Variants in KAZN observed in about 807,000 individuals in gnomAD.
The protein encoded by KAZN is kazrin.
Under a neutral mutation model 87.4 loss-of-function variants are expected in KAZN, and 40 were observed. That is an observed-to-expected ratio of 0.46 (90% CI 0.36 to 0.60). The LOEUF (loss-of-function observed/expected upper bound fraction) is 0.60. KAZN is among the 20% of genes least tolerant of loss of function. The pLI is 0.00. For synonymous variants in KAZN, 466 were observed against 458.3 expected (o/e 1.02, Z -0.22); for missense variants, 898 against 1,073.9 (o/e 0.84, Z 2.29).
intron 2 of KAZN, among the ~76,000 whole-genome samples, chr1:14,347,131 C>G (rs1658162549): frequency 6.6e-6 from 1 of 152,194 alleles, no homozygotes; most frequent in African/African-American, 2.4e-5. Flanking sequence ...GACACCTTTG[C>G]TTTGGGGAAT....
chr1:14,029,657 T>G (rs1331811443), intron 1 of KAZN, among the ~76,000 whole-genome samples: 1 of 151,742 alleles, frequency 6.6e-6, no homozygotes. Flanking sequence ...TTGTATAAGG[T>G]GTAAGGAAGG....
intron 2 of KAZN, among the ~76,000 whole-genome samples, chr1:14,355,654 C>T (rs147652664): frequency 7.2e-5 from 11 of 152,200 alleles, no homozygotes; most frequent in African/African-American, 2.2e-4. Flanking sequence ...TTGTTCAACT[C>T]GCACTTATGA....
intron 1 of KAZN, among the ~76,000 whole-genome samples, chr1:14,887,287 A>G (rs1310982399): frequency 6.6e-6 from 1 of 152,188 alleles, no homozygotes; most frequent in African/African-American, 2.4e-5. Flanking sequence ...CTGTGCAATG[A>G]AGCAAAGACA....
intron 2 of KAZN, among the ~76,000 whole-genome samples, chr1:14,436,359 G>T (rs1472459687): frequency 8.0e-6 from 1 of 124,328 alleles, no homozygotes; most frequent in African/African-American, 3.7e-5. Context: ...TGGCAGTGCT[G>T]GTGGTGGTGG....
intron 1 of KAZN, among the ~76,000 whole-genome samples, chr1:14,896,212 GC>G (rs975036007): frequency 2.6e-5 from 4 of 151,846 alleles, no homozygotes; most frequent in African/African-American, 9.7e-5. Flanking sequence ...ACACCACCAC[GC>G]CCAACTAATT....
intron 2 of KAZN, among the ~76,000 whole-genome samples, chr1:14,466,385 A>G (rs1490686605): frequency 2.6e-5 from 4 of 152,110 alleles, no homozygotes; most frequent in Admixed American, 2.6e-4. Context: ...TCAGCAAACT[A>G]ATGCAGGAAC....
intron 1 of KAZN, among the ~76,000 whole-genome samples, chr1:13,991,786 C>T (rs1369537773): frequency 3.3e-5 from 5 of 152,194 alleles, no homozygotes; most frequent in African/African-American, 1.2e-4. Flanking sequence ...CAACAAATAT[C>T]GTGGTTGACA....
At chr1:14,269,169 G>C (rs1457167701) in intron 2 of KAZN, among the ~76,000 whole-genome samples, 1 of 152,138 alleles carries the variant, frequency 6.6e-6, no homozygotes, top group Admixed American at 6.5e-5. Flanking sequence ...ATTGCTTCTT[G>C]GAAGAGGGGA....
At chr1:14,823,884 C>T (rs950785288) in intron 1 of KAZN, among the ~76,000 whole-genome samples, 1 of 152,122 alleles carries the variant, frequency 6.6e-6, no homozygotes, top group African/African-American at 2.4e-5. Flanking sequence ...GAGGCCAAGG[C>T]AGACGGATCA....
At position 15,030,337 on chromosome 1, in the gene KAZN, G is replaced by A. The variant is rs140932753; in HGVS notation, c.419-4412G>A. On this transcript the variant is annotated intron_variant, in intron 2 of 14. Coordinates refer to ENST00000376030, the MANE Select transcript of KAZN (RefSeq NM_201628.3). ...GGTGGGAGTACAGTGGTGCAATCTC[G>A]GCTCGCTGCAACCTCTGCCTCCAGG... Among the ~76,000 whole-genome samples, 1,003 of 152,108 alleles carry A rather than the reference G, an allele frequency of 6.6e-3. 9 individuals are homozygous for A. The highest frequency in any genetic ancestry group is 0.017 in the Middle Eastern group (5 of 294).
intron 1 of KAZN, among the ~76,000 whole-genome samples, chr1:14,921,153 A>AACACAC (rs55766387): frequency 0.08 from 11,512 of 144,390 alleles, 524 homozygotes; most frequent in Middle Eastern, 0.14. Context: ...CTGAGCATGC[A>AACACAC]ACACACACAC....
chr1:15,035,042 C>T (rs1451929912), intron 3 of KAZN, among the ~76,000 whole-genome samples, 157 bp downstream of exon 3: 2 of 152,112 alleles, frequency 1.3e-5, no homozygotes, highest in Non-Finnish European at 2.9e-5. Context: ...GAGATAAAAC[C>T]GGCACAACCC....
chr1:14,971,936 AT>A (rs1378382477), intron 2 of KAZN, among the ~76,000 whole-genome samples: 1 of 152,058 alleles, frequency 6.6e-6, no homozygotes, highest in African/African-American at 2.4e-5. Context: ...CCTGCAGGGC[AT>A]TGAGCATGCT....
intron 2 of KAZN, among the ~76,000 whole-genome samples, chr1:14,356,937 GAGT>G (rs1048712937): frequency 5.3e-5 from 8 of 151,990 alleles, no homozygotes; most frequent in African/African-American, 1.9e-4. Flanking sequence ...ATGAAATTTA[GAGT>G]AGTTTTTTCT....
intron 1 of KAZN, among the ~76,000 whole-genome samples, chr1:14,848,679 A>G (rs1315677399): frequency 6.6e-6 from 1 of 152,198 alleles, no homozygotes; most frequent in Non-Finnish European, 1.5e-5. Context: ...TAAGACCGAC[A>G]GTTCCATTAG....
intron 2 of KAZN, among the ~76,000 whole-genome samples, chr1:14,396,093 G>A (rs563166422): frequency 8.1e-4 from 122 of 150,866 alleles, no homozygotes; most frequent in Non-Finnish European, 1.5e-3. Flanking sequence ...GCTTGAACCC[G>A]GGAGGCAAAG....
chr1:14,868,233 A>G (rs551112908), intron 1 of KAZN, among the ~76,000 whole-genome samples: 1 of 152,266 alleles, frequency 6.6e-6, no homozygotes, highest in East Asian at 1.9e-4. Context: ...CAGGCATTGC[A>G]AACACATGGC....
intron 2 of KAZN, among the ~76,000 whole-genome samples, chr1:14,367,245 G>A (rs1246556982): frequency 6.6e-6 from 1 of 152,032 alleles, no homozygotes; most frequent in East Asian, 1.9e-4. Context: ...AAAGAAAAAG[G>A]CTCTCAGCGG....
At chr1:13,967,292 G>T (rs1641980391) in intron 1 of KAZN, among the ~76,000 whole-genome samples, 1 of 152,092 alleles carries the variant, frequency 6.6e-6, no homozygotes, top group Non-Finnish European at 1.5e-5. Context: ...TAATTAAGAA[G>T]GTGCCCACTC....
Sources: gnomAD v4.1 joint callset for allele counts (sites outside exome capture counted in the v4.1 genomes callset) on GRCh38, gnomAD v4.1.1 for gene constraint, MANE v1.5 for transcripts, NCBI Gene and HGNC (gene_info 2026-07-23, HGNC 2026-07-21) for gene names.